The following ATP8A1 variants were observed in gnomAD, a reference collection of about 807,000 sequenced individuals.
The protein encoded by ATP8A1 is phospholipid-transporting ATPase IA.
A neutral mutation model predicts 177.7 loss-of-function variants in ATP8A1; 90 were observed. The ratio of observed to expected loss-of-function variants is 0.51; its 90% CI spans 0.43 to 0.60. ATP8A1 has a LOEUF of 0.60. ATP8A1 is among the 20% of genes least tolerant of loss of function. The probability of loss-of-function intolerance (pLI) is 0.00; values close to 1 mark genes in which losing one functional copy is unlikely to be tolerated. For synonymous variants in ATP8A1, 493 were observed against 485.9 expected, an observed-to-expected ratio of 1.01 and a Z score of -0.19; for missense variants, 1,072 against 1,392.8, an observed-to-expected ratio of 0.77 and a Z score of 3.67.
chr4:42,622,268 G>A (rs1198810441), intron 4 of ATP8A1, among the ~76,000 whole-genome samples: 1 of 151,410 alleles, frequency 6.6e-6, no homozygotes, highest in Non-Finnish European at 1.5e-5. Context: ...TGTAATCCCA[G>A]CTACTCGGGA....
At chr4:42,536,417 G>A (rs974852994) in intron 20 of ATP8A1, among the ~76,000 whole-genome samples, 1 of 152,084 alleles carries the variant, frequency 6.6e-6, no homozygotes, top group African/African-American at 2.4e-5. Context: ...GGAAGATACA[G>A]AATCTCTGAA....
intron 33 of ATP8A1, among the ~76,000 whole-genome samples, chr4:42,428,714 C>A (rs1039804242): frequency 3.9e-5 from 6 of 152,130 alleles, no homozygotes; most frequent in Admixed American, 2.0e-4. Flanking sequence ...ATCTTTAATA[C>A]AATTTCAAGA....
rs1463846291 is a variant in ATP8A1, at chr4:42,586,345, A to G, written c.722+4T>C. 2 of 1,613,506 alleles carry G rather than the reference A, an allele frequency of 1.2e-6. No homozygotes were observed. The highest frequency in any genetic ancestry group is 4.5e-5 in the East Asian group (2 of 44,852). ...GTGTTTTTATAAAGACGGATTTTAC[A>G]TACCCATGTCCATCAAGCCTTATGT... On this transcript the variant is annotated splice_donor_region_variant and intron_variant, in intron 9 of 36. Coordinates refer to ENST00000381668, the MANE Select transcript of ATP8A1 (RefSeq NM_006095.2).
intron 14 of ATP8A1, among the ~76,000 whole-genome samples, chr4:42,572,691 G>A (rs1363883238): frequency 3.3e-5 from 5 of 151,976 alleles, no homozygotes; most frequent in South Asian, 2.1e-4. Context: ...AACAGATTTC[G>A]GCTTATACAG....
chr4:42,653,669 C>T lies in ATP8A1; in HGVS notation c.49+3156G>A, dbSNP rs1326198373. Among the ~76,000 whole-genome samples the T allele has an allele frequency of 1.1e-4, 16 of 152,226 alleles. 1 individual carries two copies. Among genetic ancestry groups the T allele is most frequent in the Non-Finnish European group, 2.9e-5 (2 of 68,032 alleles). On this transcript the variant is annotated intron_variant, in intron 1 of 36. Coordinates refer to ENST00000381668, the MANE Select transcript of ATP8A1 (RefSeq NM_006095.2). ...TCCCTTATAACGATGTGGCCCCCAACTGGCCCTGTTAGATATTATATATTG... is the reference window on the plus strand; with the variant it reads ...TCCCTTATAACGATGTGGCCCCCAATTGGCCCTGTTAGATATTATATATTG...
intron 4 of ATP8A1, among the ~76,000 whole-genome samples, chr4:42,623,009 C>CAAAAAAAAAAA (rs200111147): frequency 8.6e-5 from 10 of 116,144 alleles, no homozygotes; most frequent in Non-Finnish European, 1.2e-4. Flanking sequence ...AACTCTGTCT[C>CAAAAAAAAAAA]AAAAAAAAAA....
intron 1 of ATP8A1, among the ~76,000 whole-genome samples, chr4:42,650,247 G>C (rs571036370): frequency 6.6e-6 from 1 of 152,274 alleles, no homozygotes; most frequent in Admixed American, 6.5e-5. Flanking sequence ...TATATCTCCA[G>C]AATTACACTA....
intron 1 of ATP8A1, among the ~76,000 whole-genome samples, chr4:42,653,518 T>G (rs1741322109): frequency 6.6e-6 from 1 of 152,244 alleles, no homozygotes; most frequent in Non-Finnish European, 1.5e-5. Flanking sequence ...TGTTCCACTC[T>G]AATACTAATT....
intron 5 of ATP8A1, 60 bp downstream of exon 5, chr4:42,615,973 G>T: frequency 6.9e-7 from 1 of 1,454,098 alleles, no homozygotes; most frequent in South Asian, 1.2e-5. Flanking sequence ...TAATTGAAGT[G>T]TTTGTATATA....
chr4:42,409,322 A>G lies in ATP8A1; in HGVS notation c.*3594T>C, dbSNP rs1445079730. ...AAAATTTAACTTACATTCCACTTTA[A>G]TAGCTGTTGAAGGTTAATTAAAATG... On this transcript the variant is annotated 3_prime_UTR_variant, in exon 37 of 37. Transcript: ENST00000381668. 1 of 152,198 alleles carries G rather than the reference A, an allele frequency of 6.6e-6. No individual in the cohort carries two copies. Among genetic ancestry groups the G allele is most frequent in the Non-Finnish European group, 1.5e-5 (1 of 68,006 alleles). The allele number at this position is 152,198 out of a possible 1,614,324, so 9.4% of individuals were successfully genotyped here.
intron 25 of ATP8A1, among the ~76,000 whole-genome samples, chr4:42,477,925 G>C (rs1721252984): frequency 6.6e-6 from 1 of 152,026 alleles, no homozygotes. Flanking sequence ...CGAAGCTTCG[G>C]TGAGCTAAGA....
intron 21 of ATP8A1, among the ~76,000 whole-genome samples, chr4:42,524,552 C>A (rs1174323338): frequency 6.6e-6 from 1 of 151,486 alleles, no homozygotes; most frequent in East Asian, 1.9e-4. Flanking sequence ...AACGTGGGGA[C>A]AAAGTTGCTC....
At chr4:42,482,392 T>C (rs1182110942) in intron 25 of ATP8A1, among the ~76,000 whole-genome samples, 1 of 151,764 alleles carries the variant, frequency 6.6e-6, no homozygotes, top group East Asian at 1.9e-4. Context: ...CAGGTTTCAT[T>C]CCACTTCTTG....
At chr4:42,636,119 TACACACACACACACACACAC>T (rs544619447) in intron 1 of ATP8A1, among the ~76,000 whole-genome samples, 6 of 79,048 alleles carry the variant, frequency 7.6e-5, no homozygotes, top group African/African-American at 2.6e-4. Flanking sequence ...ATGGGCTTAA[TACACACACACACACACACAC>T]ACACACACAC....
chr4:42,585,217 GT>G (rs1733499412), intron 9 of ATP8A1, among the ~76,000 whole-genome samples: 1 of 151,968 alleles, frequency 6.6e-6, no homozygotes, highest in African/African-American at 2.4e-5. Flanking sequence ...CTAACAAAAA[GT>G]TGTTCCCTTC....
chr4:42,637,901 T>C (rs1739555182), intron 1 of ATP8A1, among the ~76,000 whole-genome samples: 1 of 152,222 alleles, frequency 6.6e-6, no homozygotes, highest in Admixed American at 6.5e-5. Flanking sequence ...TTGAATATAT[T>C]GTCTATGTAA....
chr4:42,432,902 G>GTA (rs1440285126), intron 33 of ATP8A1, among the ~76,000 whole-genome samples: 1 of 151,974 alleles, frequency 6.6e-6, no homozygotes, highest in Non-Finnish European at 1.5e-5. Flanking sequence ...CAATTATATG[G>GTA]TATATATATT....
intron 6 of ATP8A1, 57 bp from the exon 7 acceptor site, chr4:42,590,941 AAAAAAACAAAC>A: frequency 7.0e-7 from 1 of 1,430,540 alleles, no homozygotes; most frequent in Non-Finnish European, 9.7e-7. Flanking sequence ...GAACAGAGGA[AAAAAAACAAAC>A]AAATGGACAA....
At chr4:42,413,747 C>T (rs555802611) in intron 36 of ATP8A1, among the ~76,000 whole-genome samples, 215 of 152,268 alleles carry the variant, frequency 1.4e-3, no homozygotes, top group South Asian at 4.4e-3. Context: ...TGACTCACAG[C>T]GGGCTGAATC....
Sources: allele counts gnomAD v4.1 joint callset (sites outside exome capture counted in the v4.1 genomes callset), GRCh38; gene constraint gnomAD v4.1.1; transcripts MANE v1.5; gene names NCBI Gene and HGNC (gene_info 2026-07-23, HGNC 2026-07-21).